Variants in RELT observed in about 807,000 individuals in gnomAD.
RELT encodes the protein tumor necrosis factor receptor superfamily member 19L.
A neutral mutation model predicts 51.1 loss-of-function variants in RELT; 37 were observed. The ratio of observed to expected loss-of-function variants is 0.72; its 90% CI spans 0.56 to 0.95. The LOEUF (loss-of-function observed/expected upper bound fraction) is 0.95, where lower values mean the gene tolerates loss of function less well. RELT is among the 40% of genes least tolerant of loss of function. The pLI, the probability that RELT is intolerant of heterozygous loss-of-function variation, is 0.00. For synonymous variants in RELT, 241 were observed against 235.7 expected, an observed-to-expected ratio of 1.02 and a Z score of -0.21; for missense variants, 535 against 572.6, an observed-to-expected ratio of 0.93 and a Z score of 0.67.
chr11:73,394,856 T>G lies in RELT; in HGVS notation c.1046+122T>G, dbSNP rs1866285922. 9 of 1,180,818 alleles carry G rather than the reference T, an allele frequency of 7.6e-6. No homozygotes were observed. Among genetic ancestry groups the G allele is most frequent in the Non-Finnish European group, 1.1e-5 (9 of 852,466 alleles). 73.1% of individuals were successfully genotyped at this position (1,180,818 alleles called of 1,614,324 possible). A position where few individuals can be genotyped will look rare whatever the true frequency, so the allele number is the denominator to read the frequency against. On this transcript the variant is annotated intron_variant, in intron 9 of 10. Transcript: ENST00000064780. This position sits in a 1 kb window ranked among gnomAD's most constrained non-coding sequence, Gnocchi z 4.9. ...TGCTCAATGGGAGCCCTGCCCTTAT[T>G]GGGCCTCTCTGGGCAGTGGAGGCGG...
intron 1 of RELT, among the ~76,000 whole-genome samples, chr11:73,386,169 C>T (rs1866120101): frequency 6.6e-6 from 1 of 152,234 alleles, no homozygotes; most frequent in Admixed American, 6.5e-5. Context: ...GACTGGGCCC[C>T]AGGCTAGGAG....
At position 73,394,179 on chromosome 11, in the gene RELT, G is replaced by T; in HGVS notation, c.707-57G>T. 6.8e-7 allele frequency: 1 copy of T among 1,472,806 alleles called. No individual in the cohort carries two copies. Among genetic ancestry groups the T allele is most frequent in the Non-Finnish European group, 9.3e-7 (1 of 1,075,844 alleles). 91.2% of individuals were successfully genotyped at this position (1,472,806 alleles called of 1,614,324 possible). On this transcript the variant is annotated intron_variant, in intron 7 of 10. Transcript: ENST00000064780. This position sits in a 1 kb window ranked among gnomAD's most constrained non-coding sequence, Gnocchi z 4.9. ...GTGGGGGGTTCTCTGCTGGGGCAGG[G>T]GGTGGGAGGTGTGTCCCATATGGCC...
intron 1 of RELT, among the ~76,000 whole-genome samples, chr11:73,385,843 A>G (rs2134444341): frequency 6.6e-6 from 1 of 152,322 alleles, no homozygotes; most frequent in Non-Finnish European, 1.5e-5. Flanking sequence ...CCAGGGCAAC[A>G]TAATGAGACC....
intron 2 of RELT, 89 bp from the exon 3 acceptor site, chr11:73,390,462 G>A (rs1270322637): frequency 1.6e-6 from 2 of 1,229,536 alleles, no homozygotes; most frequent in East Asian, 2.3e-5. Context: ...CCTACCACTG[G>A]GGTTTCAGGA....
chr11:73,391,088 T>C, intron 4 of RELT, 56 bp from the exon 5 acceptor site: 1 of 1,579,688 alleles, frequency 6.3e-7, no homozygotes, highest in Non-Finnish European at 8.7e-7. Context: ...CAGCCTCTCC[T>C]AAGGATAGTG....
intron 5 of RELT, chr11:73,391,965 G>T (rs1866221843): frequency 3.4e-6 from 2 of 588,516 alleles, no homozygotes; most frequent in Middle Eastern, 4.5e-4. Flanking sequence ...ACCCCAGCGT[G>T]AGGGGAGGGT....
intron 1 of RELT, among the ~76,000 whole-genome samples, chr11:73,378,342 G>C (rs1866001460): frequency 6.6e-6 from 1 of 152,062 alleles, no homozygotes; most frequent in African/African-American, 2.4e-5. Flanking sequence ...TAGGGGTGGG[G>C]GACAGGGTGG....
chr11:73,390,487 A>T, intron 2 of RELT, 64 bp from the exon 3 acceptor site: 2 of 1,439,774 alleles, frequency 1.4e-6, no homozygotes, highest in Non-Finnish European at 2.0e-6. Context: ...GGTGGGGGAT[A>T]GATGACCCCA....
At position 73,392,346 on chromosome 11, in the gene RELT, T is replaced by C; in HGVS notation, c.503T>C (p.Ile168Thr). ...GCCGCCCAGTACGCGGTCATCGCCA[T>C]CGTCCCTGTCTTCTGCCTCATGGGG... The part of the protein sequence containing the change: ...ETAAQYAVIA[I>T]VPVFCLMGLL... Residue 168 changes from isoleucine (I) to threonine (T), a missense_variant, in exon 6 of 11, where the codon ATC becomes ACC. Ile to Thr is a moderately conservative substitution (Grantham distance 89). Coordinates refer to ENST00000064780, the MANE Select transcript of RELT (RefSeq NM_152222.2). The C allele has an allele frequency of 6.2e-7, 1 of 1,613,816 alleles. No individual in the cohort carries two copies.
At chr11:73,393,096 T>A in intron 6 of RELT, 1 of 995,606 alleles carries the variant, frequency 1.0e-6, no homozygotes, top group South Asian at 4.4e-5. Flanking sequence ...AAGAGTGAAA[T>A]GGCATCTCCC....
intron 1 of RELT, among the ~76,000 whole-genome samples, chr11:73,385,807 G>A (rs750487981): frequency 4.6e-5 from 7 of 152,170 alleles, no homozygotes; most frequent in Non-Finnish European, 7.3e-5. Context: ...CGAGAGGATC[G>A]CTTGAGCCCA....
intron 5 of RELT, among the ~76,000 whole-genome samples, chr11:73,391,522 C>A (rs1333406763): frequency 6.6e-6 from 1 of 152,176 alleles, no homozygotes; most frequent in African/African-American, 2.4e-5. Context: ...GAGATTCATG[C>A]CAGCCAAGTG....
intron 1 of RELT, among the ~76,000 whole-genome samples, chr11:73,383,529 A>G (rs1866079765): frequency 6.6e-6 from 1 of 152,234 alleles, no homozygotes; most frequent in Admixed American, 6.5e-5. Flanking sequence ...TGAGCCACCT[A>G]CTGGGTGCTA....
In RELT at chr11:73,394,495, G is replaced by A. The variant is rs367815162; in HGVS notation, c.807G>A (p.Pro269=). The change falls in exon 9 of 11, where the codon CCG becomes CCA. Residue 269 remains proline (P), a synonymous_variant. Transcript: ENST00000064780. The surrounding 1 kb of genome is among the most constrained non-coding windows in gnomAD (Gnocchi z 4.9). ...RPVSKLPPAP[P]NVPHICPHRH... The stretch of plus-strand genomic sequence containing the variant: ...CCTGCAGGCTGCCGCCAGCGCCCCC[G>A]AACGTGCCACACATCTGCCCGCACC... 761 of 1,609,732 alleles carry A rather than the reference G, an allele frequency of 4.7e-4. No individual in the cohort carries two copies. Among genetic ancestry groups the A allele is most frequent in the Non-Finnish European group, 6.3e-4 (737 of 1,178,870 alleles).
At position 73,392,103 on chromosome 11, in the gene RELT, G is replaced by A. The variant is rs917347517; in HGVS notation, c.368-108G>A. ...GCATGGCGGGGAGTGGGCTCCCCTG[G>A]GCACATTGGCTCTCCTGCAGCCCCC... On this transcript the variant is annotated intron_variant, in intron 5 of 10. Transcript: ENST00000064780. The A allele has an allele frequency of 5.3e-6, 7 of 1,327,992 alleles. No individual in the cohort carries two copies. The Admixed American group carries it at 1.3e-4, about 24-fold the overall frequency. 82.3% of individuals were successfully genotyped at this position (1,327,992 alleles called of 1,614,324 possible).
chr11:73,379,913 C>A (rs923695416), intron 1 of RELT, among the ~76,000 whole-genome samples: 1 of 152,360 alleles, frequency 6.6e-6, no homozygotes, highest in South Asian at 2.1e-4. Context: ...TCTTTACCCT[C>A]GCCTCTCCTT....
At chr11:73,392,045 CAGG>C in intron 5 of RELT, 163 bp from the exon 6 acceptor site, 1 of 778,638 alleles carries the variant, frequency 1.3e-6, no homozygotes, top group South Asian at 1.8e-5. Flanking sequence ...GAAGGGAAAA[CAGG>C]AGGGCAGTGG....
rs768121452 is a variant in RELT, at chr11:73,392,441, G to C, written c.598G>C (p.Gly200Arg). Reference protein sequence around the residue: ...GYHCTAHKEVGPGPGGGGSGI... With the variant: ...GYHCTAHKEVRPGPGGGGSGI... ...CCACTGCACGGCGCACAAGGAGGTCGGGCCCGGCCCTGGAGGTGGAGGCAG... is the reference window on the plus strand; with the variant it reads ...CCACTGCACGGCGCACAAGGAGGTCCGGCCCGGCCCTGGAGGTGGAGGCAG... The change falls in exon 6 of 11, where the codon GGG becomes CGG. Residue 200 changes from glycine (G) to arginine (R), a missense_variant. Coordinates refer to ENST00000064780, the MANE Select transcript of RELT (RefSeq NM_152222.2). 6.2e-7 allele frequency: 1 copy of C among 1,613,240 alleles called. No homozygotes were observed. Among genetic ancestry groups the C allele is most frequent in the Non-Finnish European group, 8.5e-7 (1 of 1,179,896 alleles).
intron 1 of RELT, among the ~76,000 whole-genome samples, chr11:73,385,570 A>G (rs1866111629): frequency 6.6e-6 from 1 of 152,136 alleles, no homozygotes; most frequent in African/African-American, 2.4e-5. Context: ...TTTTGTGGCA[A>G]ATAAAACAGA....
Sources: allele counts gnomAD v4.1 joint callset (sites outside exome capture counted in the v4.1 genomes callset), GRCh38; gene constraint gnomAD v4.1.1; non-coding constraint Gnocchi (gnomAD v3.1); transcripts MANE v1.5; gene names NCBI Gene and HGNC (gene_info 2026-07-23, HGNC 2026-07-21).